Variants in KIAA1217 observed in about 807,000 individuals in gnomAD.
KIAA1217 encodes sickle tail protein homolog.
A neutral mutation model predicts 163.9 loss-of-function variants in KIAA1217; 88 were observed. The ratio of observed to expected loss-of-function variants is 0.54; its 90% CI spans 0.45 to 0.64. KIAA1217 has a LOEUF of 0.64. Ranked by LOEUF, KIAA1217 falls within the 30% of genes least tolerant of loss-of-function variation. KIAA1217 has a pLI of 0.00. For missense variants in KIAA1217, 2,372 were observed against 2,475.0 expected (o/e 0.96, Z 0.88); for synonymous variants, 903 against 923.1 (o/e 0.98, Z 0.39).
At chr10:24,312,122 A>G (rs1043738397) in intron 2 of KIAA1217, among the ~76,000 whole-genome samples, 1 of 152,104 alleles carries the variant, frequency 6.6e-6, no homozygotes, top group African/African-American at 2.4e-5. Context: ...AGGAGGTGCC[A>G]CTCACACCCG....
intron 3 of KIAA1217, among the ~76,000 whole-genome samples, chr10:24,423,037 T>G (rs1409308195): frequency 1.3e-5 from 2 of 151,330 alleles, no homozygotes; most frequent in African/African-American, 2.4e-5. Context: ...CCAGAGTAGT[T>G]GGGACTACAG....
At chr10:24,067,018 A>G (rs560667970) in intron 2 of KIAA1217, among the ~76,000 whole-genome samples, 1 of 152,250 alleles carries the variant, frequency 6.6e-6, no homozygotes, top group South Asian at 2.1e-4. Context: ...ACTTCTCTGC[A>G]TTGACTATTC....
At chr10:23,993,490 CAGG>C (rs2131444457) in intron 1 of KIAA1217, among the ~76,000 whole-genome samples, 1 of 150,572 alleles carries the variant, frequency 6.6e-6, no homozygotes, top group East Asian at 1.9e-4. Flanking sequence ...GGAAGATATC[CAGG>C]AGATTATCCA....
At chr10:24,196,208 C>G (rs1339919413) in intron 2 of KIAA1217, among the ~76,000 whole-genome samples, 1 of 151,562 alleles carries the variant, frequency 6.6e-6, no homozygotes, top group African/African-American at 2.4e-5. Flanking sequence ...ACATTAAAGG[C>G]TTTATTGTTA....
At chr10:24,425,313 A>T (rs1002424675) in intron 3 of KIAA1217, among the ~76,000 whole-genome samples, 1 of 152,202 alleles carries the variant, frequency 6.6e-6, no homozygotes, top group East Asian at 1.9e-4. Context: ...AGGAGACTTA[A>T]CTTGAACCTA....
chr10:23,868,036 A>T (rs1840278470), intron 1 of KIAA1217, among the ~76,000 whole-genome samples: 2 of 152,268 alleles, frequency 1.3e-5, no homozygotes, highest in South Asian at 4.2e-4. Flanking sequence ...TATAAGGTGT[A>T]AGGAAGGGAT....
chr10:23,743,669 T>C (rs1486705782), intron 1 of KIAA1217, among the ~76,000 whole-genome samples: 1 of 152,196 alleles, frequency 6.6e-6, no homozygotes. Context: ...AGATTTTATG[T>C]TTTGGAGTTC....
intron 2 of KIAA1217, among the ~76,000 whole-genome samples, chr10:24,266,101 C>T (rs1187099742): frequency 6.9e-6 from 1 of 145,534 alleles, no homozygotes; most frequent in Non-Finnish European, 1.5e-5. Context: ...TTTTTTGAGA[C>T]GGAGTCTCAC....
chr10:23,791,792 A>G (rs11013710), intron 1 of KIAA1217, among the ~76,000 whole-genome samples: 36,654 of 152,106 alleles, frequency 0.24, 4,898 homozygotes, highest in African/African-American at 0.35. Flanking sequence ...GATCCCAAAG[A>G]TGAGAATTTT....
intron 1 of KIAA1217, among the ~76,000 whole-genome samples, chr10:23,977,098 T>TA (rs942539046): frequency 3.3e-5 from 5 of 152,178 alleles, no homozygotes; most frequent in Admixed American, 6.5e-5. Context: ...TGAGTATCCT[T>TA]AAAAAAATGT....
chr10:23,781,259 A>G (rs1835244927), intron 1 of KIAA1217, among the ~76,000 whole-genome samples: 1 of 152,010 alleles, frequency 6.6e-6, no homozygotes, highest in Non-Finnish European at 1.5e-5. Context: ...TTTTCTCCAC[A>G]CCCTTGCCAA....
intron 2 of KIAA1217, among the ~76,000 whole-genome samples, chr10:24,285,544 G>A (rs2078454125): frequency 6.6e-6 from 1 of 151,982 alleles, no homozygotes; most frequent in Non-Finnish European, 1.5e-5. Flanking sequence ...TTATTTGTGG[G>A]TTTATTTCTT....
intron 2 of KIAA1217, among the ~76,000 whole-genome samples, chr10:24,341,704 A>C (rs541002363): frequency 6.6e-6 from 1 of 152,352 alleles, no homozygotes; most frequent in East Asian, 1.9e-4. Flanking sequence ...AAAGAGCATG[A>C]AACTGGTTTT....
At chr10:24,094,144 A>G (rs1378131497) in intron 2 of KIAA1217, among the ~76,000 whole-genome samples, 1 of 152,152 alleles carries the variant, frequency 6.6e-6, no homozygotes, top group East Asian at 1.9e-4. Context: ...AGCATGATTT[A>G]TAGTCCTTTC....
intron 1 of KIAA1217, among the ~76,000 whole-genome samples, chr10:23,907,963 A>G (rs1842242145): frequency 6.6e-6 from 1 of 152,152 alleles, no homozygotes; most frequent in Admixed American, 6.5e-5. Flanking sequence ...TGTGAAGAAG[A>G]AAATTCTTCT....
intron 1 of KIAA1217, among the ~76,000 whole-genome samples, chr10:23,854,828 G>A (rs1298413877): frequency 6.6e-6 from 1 of 152,068 alleles, no homozygotes; most frequent in Non-Finnish European, 1.5e-5. Flanking sequence ...CAGAGTCTAG[G>A]ATTGCAACCC....
At position 23,695,711 on chromosome 10, in the gene KIAA1217, G is replaced by A. The variant is rs2130685042; in HGVS notation, c.-321+477G>A. Among the ~76,000 whole-genome samples the A allele has an allele frequency of 6.6e-6, 1 of 152,322 alleles. No homozygotes were observed. The highest frequency in any genetic ancestry group is 2.1e-4 in the South Asian group (1 of 4,834). The stretch of plus-strand genomic sequence containing the variant: ...GAGAGAGAGAACCGGCCCCGAGACG[G>A]GCTGGAGGGTGGGGACACTGGGGAG... On this transcript the variant is annotated intron_variant, in intron 1 of 18. Transcript: ENST00000376462. The surrounding 1 kb of genome is among the most constrained non-coding windows in gnomAD (Gnocchi z 4.9).
chr10:24,475,070 T>G (rs565302883), intron 6 of KIAA1217, among the ~76,000 whole-genome samples: 1 of 152,028 alleles, frequency 6.6e-6, no homozygotes, highest in Admixed American at 6.5e-5. Context: ...AATACAAAAA[T>G]TAGTCGGGTG....
chr10:23,950,445 G>T (rs1844282046), intron 1 of KIAA1217, among the ~76,000 whole-genome samples: 1 of 149,750 alleles, frequency 6.7e-6, no homozygotes, highest in Non-Finnish European at 1.5e-5. Context: ...CTAATCCACT[G>T]AGGTTTTAAA....
Sources: allele counts gnomAD v4.1 joint callset (sites outside exome capture counted in the v4.1 genomes callset), GRCh38; gene constraint gnomAD v4.1.1; non-coding constraint Gnocchi (gnomAD v3.1); transcripts MANE v1.5; gene names NCBI Gene and HGNC (gene_info 2026-07-23, HGNC 2026-07-21).